PHF20L1: variants seen among roughly 807,000 people sequenced by gnomAD.
The protein encoded by PHF20L1 is PHD finger protein 20 like 1.
In PHF20L1, 44 loss-of-function variants were observed where a neutral mutation model predicts 125.5. That is an observed-to-expected ratio of 0.35 (90% CI 0.28 to 0.45). The LOEUF is 0.45. PHF20L1 is among the 20% of genes least tolerant of loss of function. The pLI is 1.00. For missense variants in PHF20L1, 1,012 were observed against 1,217.2 expected (o/e 0.83, Z 2.51); for synonymous variants, 380 against 403.1 (o/e 0.94, Z 0.69).
In PHF20L1 at chr8:132,847,282, CA is replaced by C. The variant is rs1322294165; in HGVS notation, c.*1360del. On this transcript the variant is annotated 3_prime_UTR_variant, in exon 21 of 21. Coordinates refer to ENST00000395386, the MANE Select transcript of PHF20L1 (RefSeq NM_016018.5). ...GTTAACATGAAATGTTACCTTTTAA[CA>C]GACTGTTTTTAAAAATTAAAAATGT... 1.3e-5 allele frequency: 2 copies of C among 152,524 alleles called. No homozygotes were observed. Among genetic ancestry groups the C allele is most frequent in the Admixed American group, 1.3e-4 (2 of 15,268 alleles). 9.4% of individuals were successfully genotyped at this position (152,524 alleles called of 1,614,324 possible).
rs545258848 is a variant in PHF20L1, at chr8:132,804,852, T to A, written c.847+112T>A. The A allele has an allele frequency of 6.2e-5, 54 of 872,522 alleles. No homozygotes were observed. In the African/African-American group the frequency reaches 7.2e-4, roughly 12 times the overall value. The allele number at this position is 872,522 out of a possible 1,614,324, so 54.0% of individuals were successfully genotyped here. Reference sequence around the variant, plus strand: ...TGATTTAGTGTCATGGACCTGTTAATAACAAAGACAATTACTTTGTGGTTC... The same window carrying A: ...TGATTTAGTGTCATGGACCTGTTAAAAACAAAGACAATTACTTTGTGGTTC... On this transcript the variant is annotated intron_variant, in intron 8 of 20. Transcript: ENST00000395386.
At chr8:132,810,783 T>G (rs1834299079) in intron 8 of PHF20L1, 2 of 369,658 alleles carry the variant, frequency 5.4e-6, no homozygotes, top group Non-Finnish European at 1.0e-5. Flanking sequence ...AATAAATGTG[T>G]GTGTGCAAGT....
chr8:132,776,950 G>T (rs1009417279), intron 1 of PHF20L1, among the ~76,000 whole-genome samples: 1 of 152,042 alleles, frequency 6.6e-6, no homozygotes, highest in Non-Finnish European at 1.5e-5. Context: ...AAGTGTGCTC[G>T]GTGGCCACTG....
intron 6 of PHF20L1, among the ~76,000 whole-genome samples, chr8:132,801,253 A>G (rs1403165929): frequency 6.6e-6 from 1 of 151,740 alleles, no homozygotes; most frequent in Non-Finnish European, 1.5e-5. Context: ...TGGTTGGCTT[A>G]TAGGTCCTTT....
chr8:132,824,087 A>C (rs1395739686), intron 13 of PHF20L1, 27 bp downstream of exon 13: 1 of 1,415,380 alleles, frequency 7.1e-7, no homozygotes, highest in African/African-American at 1.4e-5. Context: ...ATCTTTAAGC[A>C]AAAGACTATA....
chr8:132,833,759 T>C (rs1209225706), intron 15 of PHF20L1, among the ~76,000 whole-genome samples: 2 of 152,126 alleles, frequency 1.3e-5, no homozygotes, highest in Non-Finnish European at 2.9e-5. Context: ...AAAAGAGCCA[T>C]AGATGTGTAC....
At chr8:132,804,515 A>G in intron 7 of PHF20L1, 100 bp from the exon 8 acceptor site, 1 of 847,778 alleles carries the variant, frequency 1.2e-6, no homozygotes, top group Non-Finnish European at 1.8e-6. Context: ...GATTAAAAAA[A>G]CTAATGTGCA....
Position 132,794,549 on chromosome 8 carries a change from AAAG to A in PHF20L1, c.227_229del (p.Glu76del). 1.2e-6 allele frequency: 2 copies of A among 1,611,508 alleles called. No homozygotes were observed. The highest frequency in any genetic ancestry group is 1.1e-5 in the South Asian group (1 of 90,700). The stretch of plus-strand genomic sequence containing the variant: ...ACCCCTTGAGAGACCAGCACTAAGA[AAAG>A]AAGGGCTAAAAGATGAGGAAGATTT... On this transcript the variant is annotated inframe_deletion, in exon 3 of 21. Coordinates refer to ENST00000395386, the MANE Select transcript of PHF20L1 (RefSeq NM_016018.5).
chr8:132,817,177 A>C, intron 11 of PHF20L1, 101 bp downstream of exon 11: 2 of 923,786 alleles, frequency 2.2e-6, no homozygotes, highest in Non-Finnish European at 3.2e-6. Flanking sequence ...CTGCTCTTAT[A>C]TCTTCTGGAG....
At chr8:132,836,868 T>G in intron 16 of PHF20L1, 147 bp downstream of exon 16, 4 of 619,496 alleles carry the variant, frequency 6.5e-6, no homozygotes, top group Middle Eastern at 5.5e-4. Context: ...TAGTAATGAT[T>G]AGGAGATTTC....
At position 132,842,755 on chromosome 8, in the gene PHF20L1, C is replaced by T. The variant is rs200581529; in HGVS notation, c.2628C>T (p.Leu876=). The change falls in exon 19 of 21, where the codon CTC becomes CTT. Residue 876 remains leucine, a synonymous_variant. Transcript: ENST00000395386. ...GTTTTGGTCAGGACTGTAAATCTCT[C>T]GCAGACCCTGGGAGCTCAGATGATG... ...PQSFGQDCKS[L]ADPGSSDDDD... The T allele has an allele frequency of 4.5e-5, 72 of 1,613,300 alleles. No individual in the cohort carries two copies. In the Middle Eastern group the frequency reaches 6.3e-3, roughly 141 times the overall value.
At position 132,803,955 on chromosome 8, in the gene PHF20L1, A is replaced by G; in HGVS notation, c.644A>G (p.Lys215Arg). Residue 215 changes from lysine (K) to arginine (R), a missense_variant, in exon 7 of 21, where the codon AAG becomes AGG. Physicochemically the swap from Lys to Arg is conservative, Grantham distance 26. Around this residue, in one of 7 missense-constraint regions of PHF20L1, gnomAD observed 134 missense variants for 145.9 expected, o/e 0.92. Coordinates refer to ENST00000395386, the MANE Select transcript of PHF20L1 (RefSeq NM_016018.5). ...ERKWFKVPSKKEETSTCIATP... is the reference protein window; with the variant it reads ...ERKWFKVPSKREETSTCIATP... ...AAGTGGTTTAAAGTACCTTCAAAGA[A>G]GGAGGAAACTTCAACTTGTATAGCC... 1.9e-6 allele frequency: 3 copies of G among 1,612,326 alleles called. No individual in the cohort carries two copies. The highest frequency in any genetic ancestry group is 2.5e-6 in the Non-Finnish European group (3 of 1,178,694).
At chr8:132,810,927 A>T (rs991055734) in intron 8 of PHF20L1, 119 bp from the exon 9 acceptor site, 2 of 700,486 alleles carry the variant, frequency 2.9e-6, no homozygotes, top group African/African-American at 1.8e-5. Context: ...AACATTTGAG[A>T]TTACTTCCTA....
Position 132,845,689 on chromosome 8 carries a change from A to G in PHF20L1, c.2912-92A>G, listed in dbSNP as rs972434602. ...CTAAAGATGGGGAAGTGAACCCTTA[A>G]CTCCATCACAGCTCCAACTTTCTGA... On this transcript the variant is annotated intron_variant, in intron 20 of 20. Transcript: ENST00000395386. The G allele has an allele frequency of 1.4e-4, 121 of 879,726 alleles. 1 individual carries two copies. The highest frequency in any genetic ancestry group is 2.6e-5 in the Non-Finnish European group (14 of 532,878). 54.5% of individuals were successfully genotyped at this position (879,726 alleles called of 1,614,324 possible). A position where few individuals can be genotyped will look rare whatever the true frequency, so the allele number is the denominator to read the frequency against.
At chr8:132,812,860 A>C (rs1834552233) in intron 9 of PHF20L1, 17 of 981,316 alleles carry the variant, frequency 1.7e-5, no homozygotes, top group Non-Finnish European at 1.8e-5. Flanking sequence ...CTGTAGTCAA[A>C]ACTTACTGTG....
chr8:132,833,187 T>G (rs570301511), intron 15 of PHF20L1, among the ~76,000 whole-genome samples: 3 of 152,192 alleles, frequency 2.0e-5, no homozygotes, highest in Admixed American at 1.3e-4. Flanking sequence ...AAGTACAACC[T>G]AGGATCCTTG....
chr8:132,835,862 T>G (rs1159089717), intron 15 of PHF20L1, among the ~76,000 whole-genome samples: 1 of 152,146 alleles, frequency 6.6e-6, no homozygotes, highest in East Asian at 1.9e-4. Context: ...GTGTGCTTAC[T>G]AAGTGCTATA....
chr8:132,787,722 G>A (rs1026016594), intron 2 of PHF20L1, among the ~76,000 whole-genome samples: 2 of 152,100 alleles, frequency 1.3e-5, no homozygotes, highest in East Asian at 1.9e-4. Flanking sequence ...ATGTGATACC[G>A]TTATTGCAGT....
At chr8:132,844,401 TG>T (rs778027936) in intron 20 of PHF20L1, 83 bp downstream of exon 20, 16 of 1,135,542 alleles carry the variant, frequency 1.4e-5, no homozygotes, top group Non-Finnish European at 1.9e-5. Context: ...TCTTAAATTA[TG>T]GGATGAAAAC....
Sources: allele counts gnomAD v4.1 joint callset (sites outside exome capture counted in the v4.1 genomes callset), GRCh38; gene constraint gnomAD v4.1.1; regional missense constraint gnomAD v4.1.1; transcripts MANE v1.5; gene names NCBI Gene and HGNC (gene_info 2026-07-23, HGNC 2026-07-21).